Variants in SLC25A21 observed in about 807,000 individuals in gnomAD.
SLC25A21 encodes solute carrier family 25 member 21.
A neutral mutation model predicts 43.8 loss-of-function variants in SLC25A21; 47 were observed. The ratio of observed to expected loss-of-function variants is 1.07; its 90% CI spans 0.85 to 1.37. The LOEUF (loss-of-function observed/expected upper bound fraction) is 1.37, where lower values mean the gene tolerates loss of function less well. SLC25A21 is among the 40% of genes most tolerant of loss of function. The pLI is 0.00. For synonymous variants in SLC25A21, 131 were observed against 121.3 expected (o/e 1.08, Z -0.52); for missense variants, 352 against 350.2 (o/e 1.00, Z -0.04).
intron 3 of SLC25A21, among the ~76,000 whole-genome samples, chr14:36,755,626 C>T (rs1002649975): frequency 6.6e-6 from 1 of 152,094 alleles, no homozygotes; most frequent in Non-Finnish European, 1.5e-5. Context: ...TATTGTGAAC[C>T]ACACTTTGAC....
At chr14:36,968,066 C>G (rs992618290) in intron 1 of SLC25A21, among the ~76,000 whole-genome samples, 2 of 152,086 alleles carry the variant, frequency 1.3e-5, no homozygotes, top group African/African-American at 4.8e-5. Flanking sequence ...GGGAAGAGCA[C>G]ACGTAGTGGA....
intron 1 of SLC25A21, among the ~76,000 whole-genome samples, chr14:36,925,227 C>G (rs1476508546): frequency 6.6e-6 from 1 of 152,048 alleles, no homozygotes; most frequent in African/African-American, 2.4e-5. Flanking sequence ...ATCCTTAACC[C>G]AAACATATCA....
chr14:37,139,940 C>T (rs1455961025), intron 1 of SLC25A21, among the ~76,000 whole-genome samples: 2 of 152,066 alleles, frequency 1.3e-5, no homozygotes, highest in South Asian at 2.1e-4. Flanking sequence ...CAATTTCTGC[C>T]GAAACTAAAA....
chr14:37,061,692 T>C (rs1961951470), intron 1 of SLC25A21, among the ~76,000 whole-genome samples: 1 of 152,216 alleles, frequency 6.6e-6, no homozygotes, highest in Admixed American at 6.5e-5. Context: ...TAGTTCATAG[T>C]GTCCTTTTCC....
chr14:37,062,717 G>A (rs1645990260), intron 1 of SLC25A21, among the ~76,000 whole-genome samples: 1 of 152,072 alleles, frequency 6.6e-6, no homozygotes, highest in African/African-American at 2.4e-5. Flanking sequence ...AGTGACCCTT[G>A]GGAAATAAGA....
At chr14:36,793,085 A>G (rs566943503) in intron 3 of SLC25A21, among the ~76,000 whole-genome samples, 1 of 152,282 alleles carries the variant, frequency 6.6e-6, no homozygotes, top group South Asian at 2.1e-4. Context: ...GAGTATAACA[A>G]AAATATCATC....
chr14:37,170,224 C>T (rs1323709543), intron 1 of SLC25A21, among the ~76,000 whole-genome samples: 1 of 151,054 alleles, frequency 6.6e-6, no homozygotes, highest in Non-Finnish European at 1.5e-5. Context: ...TTAGTAGAAA[C>T]GGGGTTTCAC....
intron 1 of SLC25A21, among the ~76,000 whole-genome samples, chr14:36,935,901 G>A (rs1461953390): frequency 6.6e-6 from 1 of 152,136 alleles, no homozygotes; most frequent in African/African-American, 2.4e-5. Context: ...CTCCATTAAA[G>A]AGGGGAACCT....
In SLC25A21 at chr14:36,967,205, T is replaced by C. The variant is rs886798373; in HGVS notation, c.71-92201A>G. On this transcript the variant is annotated intron_variant, in intron 1 of 9. Coordinates refer to ENST00000331299, the MANE Select transcript of SLC25A21 (RefSeq NM_030631.4). ...TCTGTCTTTCATGATGCCACAGACC[T>C]GATCCTCTAGAAGTGGGGAGAAACA... Among the ~76,000 whole-genome samples the C allele has an allele frequency of 2.0e-5, 3 of 152,322 alleles. No individual in the cohort carries two copies. In the East Asian group the frequency reaches 5.8e-4, roughly 29 times the overall value.
chr14:36,720,112 C>T (rs1174889021), intron 6 of SLC25A21, among the ~76,000 whole-genome samples: 3 of 152,322 alleles, frequency 2.0e-5, no homozygotes, highest in African/African-American at 7.2e-5. Context: ...CCACCTACAT[C>T]CCACACCTTC....
At chr14:36,763,854 A>C (rs10134198) in intron 3 of SLC25A21, among the ~76,000 whole-genome samples, 24,059 of 150,314 alleles carry the variant, frequency 0.16, 2,182 homozygotes, top group Middle Eastern at 0.25. Context: ...GATGGTGAAA[A>C]CCTGTCTCTA....
chr14:36,739,774 C>A (rs920570474), intron 3 of SLC25A21, among the ~76,000 whole-genome samples: 3 of 152,100 alleles, frequency 2.0e-5, no homozygotes, highest in Admixed American at 6.6e-5. Flanking sequence ...CCCCTCACCC[C>A]ACTTGCTCCT....
At chr14:36,751,572 TGG>T (rs1466814859) in intron 3 of SLC25A21, among the ~76,000 whole-genome samples, 1 of 152,206 alleles carries the variant, frequency 6.6e-6, no homozygotes, top group African/African-American at 2.4e-5. Flanking sequence ...ACTAACTGTC[TGG>T]GGCTCTTTTT....
At chr14:36,883,332 A>C (rs891314780) in intron 1 of SLC25A21, among the ~76,000 whole-genome samples, 11 of 152,038 alleles carry the variant, frequency 7.2e-5, no homozygotes, top group South Asian at 6.2e-4. Flanking sequence ...CTCTGCCTAG[A>C]ATGCTCTTCC....
chr14:37,018,731 C>T (rs900148243), intron 1 of SLC25A21, among the ~76,000 whole-genome samples: 2 of 151,984 alleles, frequency 1.3e-5, no homozygotes, highest in African/African-American at 2.4e-5. Context: ...GAGCACATCC[C>T]TTCATGCACT....
intron 1 of SLC25A21, among the ~76,000 whole-genome samples, chr14:36,989,372 G>A (rs150448492): frequency 1.6e-4 from 25 of 152,220 alleles, no homozygotes; most frequent in Admixed American, 3.9e-4. Flanking sequence ...TTGGGAAGAT[G>A]CCCTCACTCT....
intron 1 of SLC25A21, among the ~76,000 whole-genome samples, chr14:37,053,186 G>T (rs539475984): frequency 1.3e-5 from 2 of 152,112 alleles, no homozygotes; most frequent in African/African-American, 4.8e-5. Context: ...TATGAAAATA[G>T]AGTAACATTT....
rs548362446 is a variant in SLC25A21 at position 36,783,033 on chromosome 14, C to T, written c.203+30885G>A. 9.9e-5 allele frequency among the ~76,000 whole-genome samples: 15 copies of T among 151,574 alleles called. No individual in the cohort carries two copies. In the South Asian group the frequency reaches 3.1e-3, roughly 32 times the overall value. ...AAAAATAAAAAAAAAAGATTGCATG[C>T]CTTCCCTTGATCCTGCAAAGCCATG... On this transcript the variant is annotated intron_variant, in intron 3 of 9. Coordinates refer to ENST00000331299, the MANE Select transcript of SLC25A21 (RefSeq NM_030631.4).
intron 1 of SLC25A21, among the ~76,000 whole-genome samples, chr14:37,094,615 T>C (rs1482737325): frequency 6.6e-6 from 1 of 151,956 alleles, no homozygotes. Flanking sequence ...TTCACATATA[T>C]ATATATACAA....
Sources: gnomAD v4.1 joint callset for allele counts (sites outside exome capture counted in the v4.1 genomes callset) on GRCh38, gnomAD v4.1.1 for gene constraint, MANE v1.5 for transcripts, NCBI Gene and HGNC (gene_info 2026-07-23, HGNC 2026-07-21) for gene names.